Variants in OTOF observed in about 807,000 individuals in gnomAD.
OTOF encodes the protein fer-1-like family member 2.
In OTOF, 218 loss-of-function variants were observed where a neutral mutation model predicts 236.8. The observed-to-expected ratio is 0.92, with a 90% CI of 0.82 to 1.03. The LOEUF is 1.03. Among genes scored for constraint, OTOF ranks in the 50% least tolerant of loss-of-function variants. The probability of loss-of-function intolerance (pLI) is 0.00; values close to 1 mark genes in which losing one functional copy is unlikely to be tolerated. For synonymous variants in OTOF, 1,041 were observed against 1,072.5 expected, an observed-to-expected ratio of 0.97 and a Z score of 0.57; for missense variants, 2,590 against 2,694.4, an observed-to-expected ratio of 0.96 and a Z score of 0.86.
chr2:26,540,581 G>A (rs1667189002), intron 1 of OTOF, among the ~76,000 whole-genome samples: 1 of 152,152 alleles, frequency 6.6e-6, no homozygotes, highest in African/African-American at 2.4e-5. Context: ...GAGCTCTCCA[G>A]GGTCCTAGCA....
intron 1 of OTOF, among the ~76,000 whole-genome samples, chr2:26,543,289 C>T (rs755704596): frequency 4.6e-5 from 7 of 152,232 alleles, no homozygotes; most frequent in Admixed American, 6.5e-5. Context: ...GTGTGCGGCC[C>T]GGCACAACGG....
intron 1 of OTOF, among the ~76,000 whole-genome samples, chr2:26,541,510 T>G (rs1178392756): frequency 6.6e-6 from 1 of 152,198 alleles, no homozygotes; most frequent in East Asian, 1.9e-4. Context: ...CAAAATGTCC[T>G]TCAGCATTTT....
chr2:26,543,045 T>A lies in OTOF; in HGVS notation c.80-5271A>T, dbSNP rs1028667436. On this transcript the variant is annotated intron_variant, in intron 1 of 46. Transcript: ENST00000272371. ...GCCTTGTTGTATGCACTGCCTGGGCTGGGCTGTACAAAGCTCAGCAAATAG... is the reference window on the plus strand; with the variant it reads ...GCCTTGTTGTATGCACTGCCTGGGCAGGGCTGTACAAAGCTCAGCAAATAG... Among the ~76,000 whole-genome samples, 3 of 152,342 alleles carry A rather than the reference T, an allele frequency of 2.0e-5. 1 individual carries two copies. Among genetic ancestry groups the A allele is most frequent in the South Asian group, 4.1e-4 (2 of 4,832 alleles).
At chr2:26,534,959 C>A (rs989070220) in intron 2 of OTOF, among the ~76,000 whole-genome samples, 14 of 152,234 alleles carry the variant, frequency 9.2e-5, no homozygotes, top group Non-Finnish European at 4.4e-5. Flanking sequence ...GGGAAGTTTA[C>A]AACTTGTCCA....
rs574685499 is a variant in OTOF, at chr2:26,469,368, G to A, written c.4024-894C>T. Among the ~76,000 whole-genome samples, 3 of 152,320 alleles carry A rather than the reference G, an allele frequency of 2.0e-5. No individual in the cohort carries two copies. In the East Asian group the frequency reaches 5.8e-4, roughly 29 times the overall value. ...CAGCTCCAGCCTGGCCAACTTGATG[G>A]TGGGAGACGAGACTACCAGTTGTCC... On this transcript the variant is annotated intron_variant, in intron 32 of 46. Coordinates refer to ENST00000272371, the MANE Select transcript of OTOF (RefSeq NM_194248.3).
chr2:26,467,171 G>A lies in OTOF; in HGVS notation c.4290C>T (p.Asn1430=), dbSNP rs566846495. The change falls in exon 35 of 47, where the codon AAC becomes AAT. Residue 1430 remains asparagine, a synonymous_variant. Coordinates refer to ENST00000272371, the MANE Select transcript of OTOF (RefSeq NM_194248.3). ...CATCCCCGGTCTTGCCCCGAAGCAA[G>A]TTGAAAGTGTGCAGCCAGTCCTCAA... ...DNFEDWLHTF[N]LLRGKTGDDE... The A allele has an allele frequency of 6.1e-5, 99 of 1,614,160 alleles. No individual in the cohort carries two copies. In the South Asian group the frequency reaches 1.0e-3, roughly 17 times the overall value.
chr2:26,480,038 G>A (rs1316823384), intron 16 of OTOF, among the ~76,000 whole-genome samples, 165 bp downstream of exon 16: 5 of 152,246 alleles, frequency 3.3e-5, no homozygotes, highest in Non-Finnish European at 5.9e-5. Context: ...AAGGTGTTTT[G>A]TGGGTGCTTG....
At position 26,527,829 on chromosome 2, in the gene OTOF, T is replaced by C; in HGVS notation, c.227+3A>G. ...AGCCCCTCCTGCCCCATCCCACACT[T>C]ACTTGTTGCTGAAGACTTTGCTGTA... On this transcript the variant is annotated splice_donor_region_variant and intron_variant, in intron 3 of 46. Coordinates refer to ENST00000272371, the MANE Select transcript of OTOF (RefSeq NM_194248.3). 1 of 1,607,760 alleles carries C rather than the reference T, an allele frequency of 6.2e-7. No homozygotes were observed. Among genetic ancestry groups the C allele is most frequent in the Non-Finnish European group, 8.5e-7 (1 of 1,174,224 alleles).
intron 5 of OTOF, among the ~76,000 whole-genome samples, chr2:26,504,946 G>T (rs930995254): frequency 6.6e-6 from 1 of 152,148 alleles, no homozygotes; most frequent in Admixed American, 6.5e-5. Flanking sequence ...ACATCTCCCT[G>T]TGGAGGCTTG....
rs114834581 is a variant in OTOF at position 26,472,821 on chromosome 2, C to T, written c.3734-172G>A. On this transcript the variant is annotated intron_variant, in intron 29 of 46. Coordinates refer to ENST00000272371, the MANE Select transcript of OTOF (RefSeq NM_194248.3). ...GGCATGGGGAGGGAAGAAGAGAGCC[C>T]GAGATAAGGGGAAGCTGCGGAGGCC... Among the ~76,000 whole-genome samples the T allele has an allele frequency of 0.023, 3,441 of 152,194 alleles. 102 individuals are homozygous for T. Among genetic ancestry groups the T allele is most frequent in the African/African-American group, 0.075 (3,092 of 41,490 alleles).
At chr2:26,482,937 GTATT>G (rs1272876383) in intron 13 of OTOF, among the ~76,000 whole-genome samples, 1 of 150,816 alleles carries the variant, frequency 6.6e-6, no homozygotes, top group African/African-American at 2.5e-5. Context: ...GTGCATGTAT[GTATT>G]CGTGGGTGCA....
chr2:26,487,685 C>T (rs1665733648), intron 11 of OTOF, among the ~76,000 whole-genome samples: 1 of 152,170 alleles, frequency 6.6e-6, no homozygotes, highest in Admixed American at 6.5e-5. Flanking sequence ...CCCTGACTTT[C>T]TCTTGGCTCT....
rs1031460350 is a variant in OTOF, at chr2:26,558,645, G to A, written c.-74C>T. Reference sequence around the variant, plus strand: ...CTAGCCGGTGGAGCACGGCTCACACGCCTCTCTCTTCTCTGCCGCTGCCTC... The same window carrying A: ...CTAGCCGGTGGAGCACGGCTCACACACCTCTCTCTTCTCTGCCGCTGCCTC... On this transcript the variant is annotated 5_prime_UTR_variant, in exon 1 of 47. Transcript: ENST00000272371. 2.0e-5 allele frequency: 26 copies of A among 1,276,742 alleles called. No individual in the cohort carries two copies. Among genetic ancestry groups the A allele is most frequent in the Admixed American group, 5.1e-5 (3 of 59,010 alleles). The allele number at this position is 1,276,742 out of a possible 1,614,324, so 79.1% of individuals were successfully genotyped here. A position where few individuals can be genotyped will look rare whatever the true frequency, so the allele number is the denominator to read the frequency against.
At chr2:26,489,319 C>T (rs1411776499) in intron 10 of OTOF, 24 bp from the exon 11 acceptor site, 11 of 1,579,294 alleles carry the variant, frequency 7.0e-6, no homozygotes, top group Non-Finnish European at 9.5e-6. Context: ...CCACAGCCCA[C>T]CCGTCAGGCC....
At chr2:26,483,972 T>C (rs1003494804) in intron 12 of OTOF, among the ~76,000 whole-genome samples, 5 of 152,246 alleles carry the variant, frequency 3.3e-5, no homozygotes, top group Admixed American at 2.6e-4. Context: ...TTATTGTCAG[T>C]GTTTTATAGT....
intron 25 of OTOF, 77 bp from the exon 26 acceptor site, chr2:26,474,751 C>T (rs984293720): frequency 4.3e-5 from 66 of 1,525,402 alleles, no homozygotes; most frequent in Non-Finnish European, 5.4e-5. Flanking sequence ...CTTACCACAG[C>T]GCCATGAGTT....
intron 5 of OTOF, among the ~76,000 whole-genome samples, chr2:26,511,158 G>A (rs534701581): frequency 2.9e-4 from 44 of 152,308 alleles, no homozygotes; most frequent in African/African-American, 9.1e-4. Flanking sequence ...TCTGCCCACC[G>A]GCTCCCCTGC....
chr2:26,465,047 C>G lies in OTOF; in HGVS notation c.4800-18G>C. The G allele has an allele frequency of 1.4e-6, 2 of 1,465,422 alleles. No individual in the cohort carries two copies. The highest frequency in any genetic ancestry group is 1.8e-6 in the Non-Finnish European group (2 of 1,102,634). 90.8% of individuals were successfully genotyped at this position (1,465,422 alleles called of 1,614,324 possible). On this transcript the variant is annotated intron_variant, in intron 38 of 46. Coordinates refer to ENST00000272371, the MANE Select transcript of OTOF (RefSeq NM_194248.3). ...AGCCATGTCTGTGGGAGGGGACACA[C>G]AGGCTTGGAGGGGCTGGGTGGGACT...
intron 1 of OTOF, among the ~76,000 whole-genome samples, chr2:26,548,842 C>T (rs935359226): frequency 6.6e-6 from 1 of 152,180 alleles, no homozygotes; most frequent in Admixed American, 6.5e-5. Context: ...ATGACACAAT[C>T]GCTTAATGAT....
Sources: allele counts gnomAD v4.1 joint callset (sites outside exome capture counted in the v4.1 genomes callset), GRCh38; gene constraint gnomAD v4.1.1; transcripts MANE v1.5; gene names NCBI Gene and HGNC (gene_info 2026-07-23, HGNC 2026-07-21).